LIN28B: variants seen among roughly 807,000 people sequenced by gnomAD.
LIN28B encodes the protein lin-28 RNA binding posttranscriptional regulator B.
In LIN28B, 5 loss-of-function variants were observed where a neutral mutation model predicts 21.9. The observed-to-expected ratio is 0.23, with a 90% confidence interval of 0.12 to 0.48. The LOEUF (loss-of-function observed/expected upper bound fraction) is 0.48, where lower values mean the gene tolerates loss of function less well. LIN28B is among the 20% of genes least tolerant of loss of function. The pLI is 0.98. For synonymous variants in LIN28B, 109 were observed against 111.3 expected, an observed-to-expected ratio of 0.98 and a Z score of 0.13; for missense variants, 245 against 310.5, an observed-to-expected ratio of 0.79 and a Z score of 1.58.
intron 2 of LIN28B, chr6:104,940,211 C>A (rs1363802243): frequency 5.9e-6 from 1 of 169,092 alleles, no homozygotes; most frequent in Non-Finnish European, 1.5e-5. Context: ...ATGTCCAGGG[C>A]ATCTGTAGTA....
rs192652327 is a variant in LIN28B at position 104,979,396 on chromosome 6, C to T, written c.198+21110C>T. Among the ~76,000 whole-genome samples, 369 of 151,788 alleles carry T rather than the reference C, an allele frequency of 2.4e-3. 4 individuals are homozygous for T. The highest frequency in any genetic ancestry group is 8.7e-3 in the African/African-American group (359 of 41,424). On this transcript the variant is annotated intron_variant, in intron 2 of 3. Transcript: ENST00000345080. ...CTAATTTTTGTATTTTTAGTAGAGA[C>T]GGGGTTTCACCATGTTGGCCAGGCT... is the stretch of plus-strand genomic sequence containing the variant.
At chr6:105,067,852 A>T (rs896428727) in intron 3 of LIN28B, among the ~76,000 whole-genome samples, 1 of 152,184 alleles carries the variant, frequency 6.6e-6, no homozygotes, top group African/African-American at 2.4e-5. Context: ...AAGTACCCTT[A>T]TATGAAAAAT....
At chr6:105,037,457 T>C (rs1193959465) in intron 3 of LIN28B, among the ~76,000 whole-genome samples, 1 of 150,936 alleles carries the variant, frequency 6.6e-6, no homozygotes, top group Non-Finnish European at 1.5e-5. Context: ...TTTTCTCTCC[T>C]CCCCTCACTT....
intron 2 of LIN28B, among the ~76,000 whole-genome samples, chr6:104,948,692 A>T: frequency 6.6e-6 from 1 of 152,186 alleles, no homozygotes; most frequent in Middle Eastern, 3.2e-3. Context: ...TGGATACATG[A>T]TAATATCTAC....
chr6:105,072,879 C>G (rs1772359559), intron 3 of LIN28B, among the ~76,000 whole-genome samples: 1 of 152,154 alleles, frequency 6.6e-6, no homozygotes, highest in Admixed American at 6.5e-5. Context: ...CCTAACTCCT[C>G]TCTTGGTATT....
chr6:105,027,827 G>A (rs1469457085), intron 3 of LIN28B, among the ~76,000 whole-genome samples: 2 of 151,926 alleles, frequency 1.3e-5, no homozygotes, highest in South Asian at 2.1e-4. Flanking sequence ...AAAGGTCTAG[G>A]TTTTCTTTTC....
At chr6:104,961,326 C>G (rs750252736) in intron 2 of LIN28B, among the ~76,000 whole-genome samples, 1 of 151,940 alleles carries the variant, frequency 6.6e-6, no homozygotes, top group Admixed American at 6.6e-5. Flanking sequence ...AAGAATTTCT[C>G]GAGTAATACA....
intron 2 of LIN28B, among the ~76,000 whole-genome samples, chr6:104,976,481 A>G (rs1190917666): frequency 6.6e-6 from 1 of 152,198 alleles, no homozygotes; most frequent in Non-Finnish European, 1.5e-5. Context: ...TAGCTTTACA[A>G]AGTGTTAAGA....
At chr6:104,941,860 T>A (rs1190826) in intron 2 of LIN28B, among the ~76,000 whole-genome samples, 2,296 of 152,340 alleles carry the variant, frequency 0.015, 57 homozygotes, top group African/African-American at 0.053. Context: ...AAACTTTTTT[T>A]AAAAATTGCA....
At chr6:105,042,573 G>A (rs1478611853) in intron 3 of LIN28B, among the ~76,000 whole-genome samples, 1 of 151,270 alleles carries the variant, frequency 6.6e-6, no homozygotes, top group South Asian at 2.1e-4. Flanking sequence ...TCATTATTTT[G>A]AACATTAATT....
At chr6:105,048,686 A>T (rs927168226) in intron 3 of LIN28B, among the ~76,000 whole-genome samples, 1 of 152,306 alleles carries the variant, frequency 6.6e-6, no homozygotes, top group South Asian at 2.1e-4. Flanking sequence ...TATTGCCTCA[A>T]TCTCAGATCC....
intron 2 of LIN28B, among the ~76,000 whole-genome samples, chr6:105,010,963 T>C (rs1770910956): frequency 6.6e-6 from 1 of 152,234 alleles, no homozygotes; most frequent in Non-Finnish European, 1.5e-5. Context: ...AATTACAGTA[T>C]ACTCATTTTT....
At chr6:105,056,419 G>T (rs1184800444) in intron 3 of LIN28B, among the ~76,000 whole-genome samples, 2 of 151,956 alleles carry the variant, frequency 1.3e-5, no homozygotes, top group Non-Finnish European at 2.9e-5. Flanking sequence ...TTCATGTTTT[G>T]CTTAGTCCTA....
chr6:105,062,459 TTA>T (rs1296080210), intron 3 of LIN28B, among the ~76,000 whole-genome samples: 1 of 152,190 alleles, frequency 6.6e-6, no homozygotes, highest in Non-Finnish European at 1.5e-5. Context: ...ATGGACTGTT[TTA>T]AAATATATTT....
chr6:104,995,846 T>A (rs553477085), intron 2 of LIN28B, among the ~76,000 whole-genome samples: 125 of 151,856 alleles, frequency 8.2e-4, no homozygotes, highest in Non-Finnish European at 1.1e-3. Flanking sequence ...CTAAAAAAAA[T>A]AGCTAAAGCC....
chr6:105,041,525 G>A (rs1004406888), intron 3 of LIN28B, among the ~76,000 whole-genome samples: 3 of 151,826 alleles, frequency 2.0e-5, no homozygotes, highest in African/African-American at 7.3e-5. Context: ...GAAGTTCTAG[G>A]TTTTTTTTGT....
intron 2 of LIN28B, among the ~76,000 whole-genome samples, chr6:105,004,453 C>T (rs1043396619): frequency 1.3e-4 from 20 of 152,120 alleles, no homozygotes; most frequent in African/African-American, 4.8e-4. Context: ...ATTTGGTATT[C>T]ATACTTCTGT....
At chr6:105,067,031 G>A in intron 3 of LIN28B, among the ~76,000 whole-genome samples, 1 of 152,150 alleles carries the variant, frequency 6.6e-6, no homozygotes, top group African/African-American at 2.4e-5. Flanking sequence ...CTCTGACACT[G>A]TGAATTTGAA....
At position 105,082,191 on chromosome 6, in the gene LIN28B, G is replaced by C. The variant is rs1408859035; in HGVS notation, c.*3408G>C. 6.6e-6 allele frequency: 1 copy of C among 152,606 alleles called. No individual in the cohort carries two copies. Among genetic ancestry groups the C allele is most frequent in the African/African-American group, 2.4e-5 (1 of 41,442 alleles). The allele number at this position is 152,606 out of a possible 1,614,324, so 9.5% of individuals were successfully genotyped here. Reference sequence around the variant, plus strand: ...TTTTTGCAGTTGAAAGATTTAGAAAGATTTTTACCTGCTTATAACTTGGAA... The same window carrying C: ...TTTTTGCAGTTGAAAGATTTAGAAACATTTTTACCTGCTTATAACTTGGAA... On this transcript the variant is annotated 3_prime_UTR_variant, in exon 4 of 4. Transcript: ENST00000345080.
Sources: gnomAD v4.1 joint callset for allele counts (sites outside exome capture counted in the v4.1 genomes callset) on GRCh38, gnomAD v4.1.1 for gene constraint, MANE v1.5 for transcripts, NCBI Gene and HGNC (gene_info 2026-07-23, HGNC 2026-07-21) for gene names.